EYS: variants seen among roughly 807,000 people sequenced by gnomAD.
The protein encoded by EYS is EGF-like photoreceptor maintenance factor.
EYS carries 250 observed loss-of-function variants against 282.1 expected under a neutral mutation model. The ratio of observed to expected loss-of-function variants is 0.89; its 90% CI spans 0.80 to 0.98. EYS has a LOEUF of 0.98. Among genes scored for constraint, EYS ranks in the 50% least tolerant of loss-of-function variants. EYS has a pLI of 0.00. For synonymous variants in EYS, 1,355 were observed against 1,282.9 expected (o/e 1.06, Z -1.20); for missense variants, 4,016 against 3,709.0 (o/e 1.08, Z -2.15).
chr6:64,658,411 G>A (rs1768844641), intron 22 of EYS, among the ~76,000 whole-genome samples: 1 of 152,108 alleles, frequency 6.6e-6, no homozygotes, highest in African/African-American at 2.4e-5. Context: ...GCATTCCTTT[G>A]GAGGAGGAGA....
intron 21 of EYS, among the ~76,000 whole-genome samples, chr6:64,815,428 A>G (rs1408819205): frequency 6.6e-6 from 1 of 152,052 alleles, no homozygotes; most frequent in Non-Finnish European, 1.5e-5. Flanking sequence ...TCCCATGGGA[A>G]AATAGGGATA....
At chr6:65,333,212 C>T (rs1025611880) in intron 11 of EYS, among the ~76,000 whole-genome samples, 12 of 151,460 alleles carry the variant, frequency 7.9e-5, no homozygotes, top group African/African-American at 2.7e-4. Flanking sequence ...ACTGCATCAC[C>T]CACATCCCAT....
At chr6:64,013,302 C>G (rs1304235261) in intron 33 of EYS, among the ~76,000 whole-genome samples, 1 of 152,206 alleles carries the variant, frequency 6.6e-6, no homozygotes, top group Non-Finnish European at 1.5e-5. Context: ...GCAGCATATT[C>G]TCTAGATTTC....
chr6:65,188,188 C>G (rs565453310), intron 12 of EYS, among the ~76,000 whole-genome samples: 1 of 151,544 alleles, frequency 6.6e-6, no homozygotes, highest in Non-Finnish European at 1.5e-5. Flanking sequence ...TTTCTCAATT[C>G]ACATTAACCT....
intron 26 of EYS, among the ~76,000 whole-genome samples, chr6:64,548,875 C>A (rs1343277026): frequency 6.6e-6 from 1 of 151,390 alleles, no homozygotes; most frequent in Admixed American, 6.6e-5. Flanking sequence ...AGAGGAGAAA[C>A]ATCTGAGCTC....
intron 22 of EYS, among the ~76,000 whole-genome samples, chr6:64,781,522 A>G (rs575680858): frequency 2.2e-4 from 33 of 148,706 alleles, no homozygotes; most frequent in African/African-American, 7.9e-4. Flanking sequence ...GTTTGCAGTG[A>G]GCCGAGATTG....
chr6:64,810,645 A>AATT (rs1369234084), intron 22 of EYS, among the ~76,000 whole-genome samples: 1 of 152,092 alleles, frequency 6.6e-6, no homozygotes, highest in Non-Finnish European at 1.5e-5. Context: ...ATTCTAAAAT[A>AATT]ATTATAAGAG....
chr6:63,818,471 A>G (rs528144281), intron 36 of EYS, among the ~76,000 whole-genome samples: 1 of 152,220 alleles, frequency 6.6e-6, no homozygotes, highest in Admixed American at 6.5e-5. Flanking sequence ...ACACTTTTTC[A>G]CCTGCTGGCT....
chr6:65,280,771 A>G (rs1768194462), intron 12 of EYS, among the ~76,000 whole-genome samples: 1 of 151,662 alleles, frequency 6.6e-6, no homozygotes, highest in African/African-American at 2.4e-5. Flanking sequence ...TAATCCCAGC[A>G]CTTTGGGAGG....
At chr6:65,226,280 T>G (rs182409143) in intron 12 of EYS, among the ~76,000 whole-genome samples, 1 of 151,884 alleles carries the variant, frequency 6.6e-6, no homozygotes, top group South Asian at 2.1e-4. Flanking sequence ...TATAAAACAT[T>G]TAAATATTTA....
intron 22 of EYS, among the ~76,000 whole-genome samples, chr6:64,788,249 T>C (rs975717513): frequency 4.6e-5 from 7 of 152,114 alleles, no homozygotes; most frequent in Non-Finnish European, 1.0e-4. Context: ...GTTTCAGTAA[T>C]ACCTCCAACT....
intron 35 of EYS, among the ~76,000 whole-genome samples, chr6:63,935,841 T>G (rs937223367): frequency 6.6e-6 from 1 of 152,196 alleles, no homozygotes; most frequent in Non-Finnish European, 1.5e-5. Context: ...ATGTAGATAT[T>G]TTTATGATCC....
intron 10 of EYS, among the ~76,000 whole-genome samples, chr6:65,340,955 T>G (rs1349335772): frequency 1.3e-5 from 2 of 151,114 alleles, no homozygotes; most frequent in Non-Finnish European, 3.0e-5. Context: ...ATAGGTACAG[T>G]ATCAAGTCTA....
Position 64,259,373 on chromosome 6 carries a change from A to G in EYS, c.6192-28549T>C, listed in dbSNP as rs141849838. ...TGACCTCCCTTTTCTTAGAGCATTT[A>G]CTTTATAAACCTTTTAATTGGAAAT... On this transcript the variant is annotated intron_variant, in intron 30 of 42. Transcript: ENST00000503581. Among the ~76,000 whole-genome samples the G allele has an allele frequency of 2.6e-5, 4 of 152,054 alleles. No homozygotes were observed. In the East Asian group the frequency reaches 7.8e-4, roughly 30 times the overall value.
At chr6:64,578,100 C>G (rs1047548118) in intron 26 of EYS, among the ~76,000 whole-genome samples, 3 of 152,036 alleles carry the variant, frequency 2.0e-5, no homozygotes, top group African/African-American at 4.8e-5. Context: ...ACTATTCTCC[C>G]TTTGTGTATT....
intron 26 of EYS, among the ~76,000 whole-genome samples, chr6:64,502,921 T>G (rs1777100062): frequency 6.6e-6 from 1 of 152,242 alleles, no homozygotes; most frequent in African/African-American, 2.4e-5. Context: ...GGCATAAGTC[T>G]GAGCTATTTT....
intron 29 of EYS, among the ~76,000 whole-genome samples, chr6:64,345,910 T>G (rs1471330476): frequency 6.6e-6 from 1 of 152,122 alleles, no homozygotes; most frequent in East Asian, 1.9e-4. Context: ...CAGACACTTC[T>G]CAAAAGAAGA....
At chr6:63,773,148 T>C (rs893637033) in intron 40 of EYS, among the ~76,000 whole-genome samples, 1 of 152,222 alleles carries the variant, frequency 6.6e-6, no homozygotes, top group Non-Finnish European at 1.5e-5. Context: ...TTTTAACAAA[T>C]AGAGAAATTA....
At chr6:64,490,312 GA>G (rs1320689136) in intron 26 of EYS, among the ~76,000 whole-genome samples, 3 of 150,796 alleles carry the variant, frequency 2.0e-5, no homozygotes, top group Non-Finnish European at 4.5e-5. Context: ...TGTTTTATAA[GA>G]TTTCCTCAAG....
Sources: gnomAD v4.1 joint callset for allele counts (sites outside exome capture counted in the v4.1 genomes callset) on GRCh38, gnomAD v4.1.1 for gene constraint, MANE v1.5 for transcripts, NCBI Gene and HGNC (gene_info 2026-07-23, HGNC 2026-07-21) for gene names.